NOTCH2NLR: variants seen among roughly 807,000 people sequenced by gnomAD.
NOTCH2NLR encodes the protein notch 2 N-terminal like R.
Under a neutral mutation model 35.6 loss-of-function variants are expected in NOTCH2NLR, and 33 were observed. That is an observed-to-expected ratio of 0.93 (90% CI 0.70 to 1.24). The LOEUF is 1.24. Ranked by LOEUF, NOTCH2NLR falls within the 50% of genes most tolerant of loss-of-function variation. The pLI, the probability that NOTCH2NLR is intolerant of heterozygous loss-of-function variation, is 0.00. For synonymous variants in NOTCH2NLR, 103 were observed against 141.0 expected (o/e 0.73, Z 1.91); for missense variants, 276 against 362.2 (o/e 0.76, Z 1.93).
rs1228599850 is a variant in NOTCH2NLR at position 120,759,294 on chromosome 1, G to A, written c.74-4334G>A. 5.5e-5 allele frequency among the ~76,000 whole-genome samples: 2 copies of A among 36,370 alleles called. 1 individual carries two copies. Among genetic ancestry groups the A allele is most frequent in the African/African-American group, 6.4e-4 (2 of 3,112 alleles). 23.9% of individuals were successfully genotyped at this position (36,370 alleles called of 152,430 possible). ...TTTTTTTTTTTTTTTTTTTTTTGGTGGAGTAGAGGAGGGCCTGCACAAACA... is the reference window on the plus strand; with the variant it reads ...TTTTTTTTTTTTTTTTTTTTTTGGTAGAGTAGAGGAGGGCCTGCACAAACA... On this transcript the variant is annotated intron_variant, in intron 1 of 4. Transcript: ENST00000624419.
rs1351284813 is a variant in NOTCH2NLR, at chr1:120,777,456, C to T, written c.156-7518C>T. Reference sequence around the variant, plus strand: ...ATAAAAGTGTGTATGTGTGTGTGTACGTGTGTGAGAGTGAGAGATTGTATA... The same window carrying T: ...ATAAAAGTGTGTATGTGTGTGTGTATGTGTGTGAGAGTGAGAGATTGTATA... On this transcript the variant is annotated intron_variant, in intron 2 of 4. Coordinates refer to ENST00000624419, the Ensembl canonical transcript of NOTCH2NLR. 7.6e-5 allele frequency among the ~76,000 whole-genome samples: 8 copies of T among 105,258 alleles called. 1 individual carries two copies. Among genetic ancestry groups the T allele is most frequent in the East Asian group, 4.8e-4 (2 of 4,156 alleles). The allele number at this position is 105,258 out of a possible 152,430, so 69.1% of individuals were successfully genotyped here.
At chr1:120,790,010 CTTT>C (rs1174501165) in intron 3 of NOTCH2NLR, among the ~76,000 whole-genome samples, 2 of 34,940 alleles carry the variant, frequency 5.7e-5, no homozygotes, top group African/African-American at 3.7e-4. Context: ...TTCTGATCAC[CTTT>C]TTTTTTTTTT....
chr1:120,770,771 G>T (rs1651254835), intron 2 of NOTCH2NLR, among the ~76,000 whole-genome samples: 1 of 117,194 alleles, frequency 8.5e-6, no homozygotes, highest in Non-Finnish European at 1.6e-5. Context: ...AAATGGGACA[G>T]AATTACCTGT....
intron 1 of NOTCH2NLR, among the ~76,000 whole-genome samples, chr1:120,759,543 G>GA (rs1651111803): frequency 2.3e-5 from 2 of 88,526 alleles, no homozygotes; most frequent in Non-Finnish European, 4.0e-5. Context: ...TTTTACATTG[G>GA]AAAAAAGTAA....
Position 120,791,548 on chromosome 1 carries a change from C to CA in NOTCH2NLR, c.416-1607dup, listed in dbSNP as rs1261288575. Among the ~76,000 whole-genome samples the CA allele has an allele frequency of 2.0e-4, 13 of 64,792 alleles. 2 individuals carry two copies. Among genetic ancestry groups the CA allele is most frequent in the African/African-American group, 4.5e-4 (3 of 6,702 alleles). The allele number at this position is 64,792 out of a possible 152,430, so 42.5% of individuals were successfully genotyped here. On this transcript the variant is annotated intron_variant, in intron 3 of 4. Transcript: ENST00000624419. ...CATTCTCAGCAAACTATTGCAAGGACAAAAAACCAAACACCGCATGTTCTC... is the reference window on the plus strand; with the variant it reads ...CATTCTCAGCAAACTATTGCAAGGACAAAAAAACCAAACACCGCATGTTCTC...
rs1350861010 is a variant in NOTCH2NLR, at chr1:120,724,055, C to A, written c.-123C>A. 4.4e-5 allele frequency: 57 copies of A among 1,282,218 alleles called. 10 individuals carry two copies. The Admixed American group carries it at 1.2e-3, about 26-fold the overall frequency. The allele number at this position is 1,282,218 out of a possible 1,614,324, so 79.4% of individuals were successfully genotyped here. On this transcript the variant is annotated 5_prime_UTR_variant, in exon 1 of 5. Transcript: ENST00000624419. ...TCGGAGCGTAGCGCCAGGGCCTGAG[C>A]CTTTGAAGCAGGAGGAGGGGAGGAG...
chr1:120,790,174 C>A (rs1651468590), intron 3 of NOTCH2NLR, among the ~76,000 whole-genome samples: 1 of 102,646 alleles, frequency 9.7e-6, no homozygotes. Flanking sequence ...TACCGCCATG[C>A]CCGGCTAATT....
At chr1:120,776,111 A>G (rs1651304842) in intron 2 of NOTCH2NLR, among the ~76,000 whole-genome samples, 1 of 116,764 alleles carries the variant, frequency 8.6e-6, no homozygotes, top group Admixed American at 8.2e-5. Flanking sequence ...TTGCTTCTGC[A>G]CTGAATAGTT....
exon 4 of NOTCH2NLR, chr1:120,793,168 G>C (rs1416933214): frequency 7.0e-7 from 1 of 1,424,892 alleles, no homozygotes; most frequent in East Asian, 2.4e-5. Context: ...TAGGTAAGGA[G>C]TGCCAATGGA....
In NOTCH2NLR at chr1:120,793,317, A is replaced by C. The variant is rs1311727897; in HGVS notation, c.572A>C (p.His191Pro). 15 of 1,405,728 alleles carry C rather than the reference A, an allele frequency of 1.1e-5. 5 individuals carry two copies. The highest frequency in any genetic ancestry group is 1.4e-5 in the Non-Finnish European group (15 of 1,047,764). 87.1% of individuals were successfully genotyped at this position (1,405,728 alleles called of 1,614,324 possible). ...GTCAATGAGTGTGACATTCCAGGAC[A>C]CTGCCAGCATGGTGGCACCTGCCTC... Residue 191 changes from histidine to proline, a missense_variant, in exon 4 of 5, where the codon CAC becomes CCC. Coordinates refer to ENST00000624419, the Ensembl canonical transcript of NOTCH2NLR.
chr1:120,779,397 G>C (rs1277564409), intron 2 of NOTCH2NLR, among the ~76,000 whole-genome samples: 2 of 104,514 alleles, frequency 1.9e-5, no homozygotes, highest in East Asian at 4.2e-4. Flanking sequence ...GTTTAAAATG[G>C]AAAAATGCTC....
intron 2 of NOTCH2NLR, among the ~76,000 whole-genome samples, chr1:120,765,789 A>G (rs1651184731): frequency 7.8e-6 from 1 of 128,810 alleles, no homozygotes; most frequent in Non-Finnish European, 1.6e-5. Context: ...ACGATGGAAT[A>G]CTATGCAGCC....
intron 2 of NOTCH2NLR, 138 bp from the exon 3 acceptor site, chr1:120,784,836 G>C: frequency 1.0e-6 from 1 of 954,014 alleles, no homozygotes; most frequent in East Asian, 2.7e-5. Flanking sequence ...CTAAAGGGAA[G>C]CAGTTTTATA....
chr1:120,794,080 G>A (rs1349131250), downstream of NOTCH2NLR, among the ~76,000 whole-genome samples: 1 of 103,062 alleles, frequency 9.7e-6, no homozygotes, highest in Non-Finnish European at 1.8e-5. Context: ...TTCTGAAACT[G>A]AGGAGGGGAT....
chr1:120,775,702 T>C lies in NOTCH2NLR; in HGVS notation c.156-9272T>C, dbSNP rs1273900687. Among the ~76,000 whole-genome samples, 2 of 65,808 alleles carry C rather than the reference T, an allele frequency of 3.0e-5. 1 individual carries two copies. Among genetic ancestry groups the C allele is most frequent in the African/African-American group, 3.1e-4 (2 of 6,502 alleles). 43.2% of individuals were successfully genotyped at this position (65,808 alleles called of 152,430 possible). A position where few individuals can be genotyped will look rare whatever the true frequency, so the allele number is the denominator to read the frequency against. ...CTATTGAGACCACTTTGTAGGATTTTTTTTTTTTTTAGTCAGGGCTCCAGG... is the reference window on the plus strand; with the variant it reads ...CTATTGAGACCACTTTGTAGGATTTCTTTTTTTTTTAGTCAGGGCTCCAGG... On this transcript the variant is annotated intron_variant, in intron 2 of 4. Transcript: ENST00000624419.
In NOTCH2NLR at chr1:120,752,664, G is replaced by A. The variant is rs1478135737; in HGVS notation, c.74-10964G>A. Among the ~76,000 whole-genome samples the A allele has an allele frequency of 4.7e-4, 20 of 42,378 alleles. 3 individuals are homozygous for A. The highest frequency in any genetic ancestry group is 5.2e-4 in the Non-Finnish European group (14 of 27,082). The allele number at this position is 42,378 out of a possible 152,430, so 27.8% of individuals were successfully genotyped here. A position where few individuals can be genotyped will look rare whatever the true frequency, so the allele number is the denominator to read the frequency against. ...TGGCTCATTGCAAGCTCCGCCTCCC[G>A]GGTTCATGCCATTCTCCTGCCTCAG... On this transcript the variant is annotated intron_variant, in intron 1 of 4. Coordinates refer to ENST00000624419, the Ensembl canonical transcript of NOTCH2NLR.
At chr1:120,784,843 T>C in intron 2 of NOTCH2NLR, 131 bp from the exon 3 acceptor site, 2 of 1,014,764 alleles carry the variant, frequency 2.0e-6, no homozygotes, top group Non-Finnish European at 2.8e-6. Context: ...GAAGCAGTTT[T>C]ATAGGTGGTA....
At chr1:120,793,240 G>T in exon 4 of NOTCH2NLR, 1 of 1,439,778 alleles carries the variant, frequency 6.9e-7, no homozygotes, top group Non-Finnish European at 9.3e-7. Flanking sequence ...TGGCCAACCA[G>T]TTCTCCTGCA....
intron 2 of NOTCH2NLR, 139 bp downstream of exon 2, chr1:120,763,848 G>A: frequency 2.0e-6 from 1 of 489,372 alleles, no homozygotes; most frequent in East Asian, 3.2e-5. Context: ...TTGGGGGTGA[G>A]GATGGAAGGA....
Sources: gnomAD v4.1 joint callset for allele counts (sites outside exome capture counted in the v4.1 genomes callset) on GRCh38, gnomAD v4.1.1 for gene constraint, MANE v1.5 for transcripts, NCBI Gene and HGNC (gene_info 2026-07-23, HGNC 2026-07-21) for gene names.